Variants in ZNF33A observed in about 807,000 individuals in gnomAD.
ZNF33A encodes zinc finger protein 33A, also known as brain my041 protein.
ZNF33A carries 9 observed loss-of-function variants against 15.9 expected under a neutral mutation model. The ratio of observed to expected loss-of-function variants is 0.57; its 90% confidence interval spans 0.34 to 0.99. The LOEUF is 0.99. Among genes scored for constraint, ZNF33A ranks in the 50% least tolerant of loss-of-function variants. The pLI is 0.02. For missense variants in ZNF33A, 843 were observed against 941.6 expected, an observed-to-expected ratio of 0.90 and a Z score of 1.37; for synonymous variants, 294 against 324.2, an observed-to-expected ratio of 0.91 and a Z score of 1.00.
In ZNF33A at chr10:38,056,720, G is replaced by A; in HGVS notation, c.*160G>A. The stretch of plus-strand genomic sequence containing the variant: ...CCTTACAGATTTTTTTTGAATTTGT[G>A]AAAGTTTTTGGCAAAAATGCAAATA... On this transcript the variant is annotated 3_prime_UTR_variant, in exon 5 of 5. Transcript: ENST00000432900. 8.0e-7 allele frequency: 1 copy of A among 1,249,634 alleles called. No homozygotes were observed. The highest frequency in any genetic ancestry group is 1.0e-6 in the Non-Finnish European group (1 of 997,304). 77.4% of individuals were successfully genotyped at this position (1,249,634 alleles called of 1,614,324 possible).
rs753941700 is a variant in ZNF33A, at chr10:38,054,660, A to G, written c.536A>G (p.Asn179Ser). The change falls in exon 5 of 5, where the codon AAT becomes AGT. Residue 179 changes from asparagine (N) to serine (S), a missense_variant. Asn to Ser is a conservative substitution (Grantham distance 46). Coordinates refer to ENST00000432900, the MANE Select transcript of ZNF33A (RefSeq NM_006954.2). ...EFNACGKLLLNIKHDETHTQE... is the reference protein window; with the variant it reads ...EFNACGKLLLSIKHDETHTQE... ...AATGCCTGTGGGAAATTGTTACTCA[A>G]TATTAAGCATGATGAAACTCATACT... 2 of 1,613,762 alleles carry G rather than the reference A, an allele frequency of 1.2e-6. No individual in the cohort carries two copies. The highest frequency in any genetic ancestry group is 8.5e-7 in the Non-Finnish European group (1 of 1,179,916).
In ZNF33A at chr10:38,048,377, A is replaced by G. The variant is rs140502627; in HGVS notation, c.251-5998A>G. ...AAAGGCTGTGAAAAAGAAGTAAAGTATATACTATTGGAAGATCCATATATG... is the reference window on the plus strand; with the variant it reads ...AAAGGCTGTGAAAAAGAAGTAAAGTGTATACTATTGGAAGATCCATATATG... On this transcript the variant is annotated intron_variant, in intron 4 of 4. Transcript: ENST00000432900. Among the ~76,000 whole-genome samples, 4 of 152,336 alleles carry G rather than the reference A, an allele frequency of 2.6e-5. No homozygotes were observed. The East Asian group carries it at 5.8e-4, about 22-fold the overall frequency.
At chr10:38,024,251 A>G (rs775232127) in intron 4 of ZNF33A, among the ~76,000 whole-genome samples, 41 of 152,120 alleles carry the variant, frequency 2.7e-4, no homozygotes, top group Non-Finnish European at 4.3e-4. Flanking sequence ...ATGAACACAT[A>G]TAATCAATTT....
rs762294813 is a variant in ZNF33A, at chr10:38,055,280, G to C, written c.1156G>C (p.Glu386Gln). ...ATCACACACAGGGGAGAAACCTTTT[G>C]AATGCAATGAATGTGGGAAAGCCTT... ...QRSHTGEKPF[E>Q]CNECGKAFSH... is the part of the protein sequence containing the mutation. The change falls in exon 5 of 5, where the codon GAA becomes CAA. Residue 386 changes from glutamate (E) to glutamine (Q), a missense_variant. By Grantham distance (29) the Glu-to-Gln change is conservative (BLOSUM62 2). Coordinates refer to ENST00000432900, the MANE Select transcript of ZNF33A (RefSeq NM_006954.2). 2.5e-6 allele frequency: 4 copies of C among 1,614,006 alleles called. No individual in the cohort carries two copies. The highest frequency in any genetic ancestry group is 3.4e-6 in the Non-Finnish European group (4 of 1,179,972).
Position 38,056,866 on chromosome 10 carries a change from T to C in ZNF33A, c.*306T>C, listed in dbSNP as rs2066505740. ...TTGAGTTTGATGCCATAATAGTTTT[T>C]AGGGCACCTAACAATAATTTATAGA... is the stretch of plus-strand genomic sequence containing the variant. On this transcript the variant is annotated 3_prime_UTR_variant, in exon 5 of 5. Transcript: ENST00000432900. 1.9e-6 allele frequency: 2 copies of C among 1,046,046 alleles called. No individual in the cohort carries two copies. Among genetic ancestry groups the C allele is most frequent in the South Asian group, 4.3e-5 (1 of 23,214 alleles). The allele number at this position is 1,046,046 out of a possible 1,614,324, so 64.8% of individuals were successfully genotyped here.
At chr10:38,030,964 A>C (rs779531542) in intron 4 of ZNF33A, among the ~76,000 whole-genome samples, 14 of 152,136 alleles carry the variant, frequency 9.2e-5, no homozygotes, top group South Asian at 2.1e-4. Flanking sequence ...CGTGGTTGCC[A>C]GTGTTAGGAA....
intron 4 of ZNF33A, among the ~76,000 whole-genome samples, chr10:38,053,317 T>C (rs2066297462): frequency 6.6e-6 from 1 of 152,128 alleles, no homozygotes; most frequent in African/African-American, 2.4e-5. Context: ...CATTTTCTTC[T>C]GGTGTCCTCA....
At chr10:38,043,487 T>G (rs1356098203) in intron 4 of ZNF33A, among the ~76,000 whole-genome samples, 1 of 142,274 alleles carries the variant, frequency 7.0e-6, no homozygotes, top group Non-Finnish European at 1.5e-5. Context: ...CCCTAAAACT[T>G]AAAGTATAAT....
intron 4 of ZNF33A, among the ~76,000 whole-genome samples, chr10:38,052,821 A>G (rs1211111314): frequency 6.6e-6 from 1 of 152,064 alleles, no homozygotes; most frequent in African/African-American, 2.4e-5. Flanking sequence ...GTTTTGGAGA[A>G]AACTGTTGCT....
At chr10:38,012,929 C>G (rs978615468) in intron 2 of ZNF33A, among the ~76,000 whole-genome samples, 7 of 152,160 alleles carry the variant, frequency 4.6e-5, no homozygotes, top group Non-Finnish European at 1.0e-4. Context: ...GGCACAAAGA[C>G]TTCCTGGCAG....
downstream of ZNF33A, among the ~76,000 whole-genome samples, chr10:38,065,838 G>A (rs1476466048): frequency 6.6e-6 from 1 of 151,886 alleles, no homozygotes; most frequent in Non-Finnish European, 1.5e-5. Flanking sequence ...AGCCTCCTGA[G>A]TAGCTGGGAT....
intron 4 of ZNF33A, among the ~76,000 whole-genome samples, chr10:38,040,788 GT>G (rs1421056622): frequency 6.6e-6 from 1 of 152,010 alleles, no homozygotes; most frequent in African/African-American, 2.4e-5. Context: ...TTTTCCTGTT[GT>G]TATTGCTATG....
At chr10:38,047,730 A>G (rs2066017261) in intron 4 of ZNF33A, among the ~76,000 whole-genome samples, 1 of 151,272 alleles carries the variant, frequency 6.6e-6, no homozygotes, top group African/African-American at 2.4e-5. Flanking sequence ...TGGAGTCTGT[A>G]AAAGGAAAGT....
Position 38,054,507 on chromosome 10 carries a change from T to A in ZNF33A, c.383T>A (p.Val128Glu), listed in dbSNP as rs1178032876. 5 of 1,613,066 alleles carry A rather than the reference T, an allele frequency of 3.1e-6. No individual in the cohort carries two copies. Among genetic ancestry groups the A allele is most frequent in the Non-Finnish European group, 4.2e-6 (5 of 1,179,736 alleles). ...QGDVIGIPFN[V>E]DVSSFPSRKM... ...GATGTAATAGGAATACCATTTAATG[T>A]GGATGTAAGTTCTTTTCCTTCCAGA... is the stretch of plus-strand genomic sequence containing the variant. The change falls in exon 5 of 5, where the codon GTG becomes GAG. Residue 128 changes from valine to glutamate, a missense_variant. Coordinates refer to ENST00000432900, the MANE Select transcript of ZNF33A (RefSeq NM_006954.2).
chr10:38,048,978 G>T (rs199816285), intron 4 of ZNF33A, among the ~76,000 whole-genome samples: 1 of 152,010 alleles, frequency 6.6e-6, no homozygotes, highest in East Asian at 1.9e-4. Flanking sequence ...CTTTTCAAGG[G>T]CAGATGAATG....
chr10:38,049,398 A>C (rs2066095799), intron 4 of ZNF33A, among the ~76,000 whole-genome samples: 1 of 152,052 alleles, frequency 6.6e-6, no homozygotes, highest in Non-Finnish European at 1.5e-5. Context: ...TTTAAGGTGG[A>C]AGCACCTGAG....
At chr10:38,024,570 T>A (rs1000274780) in intron 4 of ZNF33A, among the ~76,000 whole-genome samples, 4 of 152,174 alleles carry the variant, frequency 2.6e-5, no homozygotes, top group Non-Finnish European at 5.9e-5. Context: ...AAAATTTGCA[T>A]AAACAGTCAA....
intron 2 of ZNF33A, among the ~76,000 whole-genome samples, chr10:38,012,779 A>C (rs2064254242): frequency 6.6e-6 from 1 of 152,132 alleles, no homozygotes. Flanking sequence ...TAAAAATTGA[A>C]CTTCCCAGAA....
chr10:38,062,256 T>G (rs1590736193), downstream of ZNF33A, among the ~76,000 whole-genome samples: 1 of 152,168 alleles, frequency 6.6e-6, no homozygotes, highest in African/African-American at 2.4e-5. Flanking sequence ...TGGACTTCCC[T>G]GCCTCCAGAG....
Sources: gnomAD v4.1 joint callset for allele counts (sites outside exome capture counted in the v4.1 genomes callset) on GRCh38, gnomAD v4.1.1 for gene constraint, MANE v1.5 for transcripts, NCBI Gene and HGNC (gene_info 2026-07-23, HGNC 2026-07-21) for gene names.